LIMS4: variants seen among roughly 807,000 people sequenced by gnomAD.
The protein encoded by LIMS4 is LIM and senescent cell antigen-like-containing domain protein 4.
At chr2:110,368,426 A>G in the LIMS4 span, among the ~76,000 whole-genome samples, 1 of 151,690 alleles carries the variant, frequency 6.6e-6, no homozygotes, top group Non-Finnish European at 1.5e-5. Flanking sequence ...ACATACAACT[A>G]CTTATATTTA....
chr2:110,396,003 T>C, the LIMS4 span, among the ~76,000 whole-genome samples: 1 of 140,708 alleles, frequency 7.1e-6, no homozygotes, highest in Non-Finnish European at 1.5e-5. Context: ...ATAGCCTTAC[T>C]TGCCTCCCCC....
At chr2:110,367,727 A>G in the LIMS4 span, among the ~76,000 whole-genome samples, 1 of 147,098 alleles carries the variant, frequency 6.8e-6, no homozygotes, top group African/African-American at 2.7e-5. Flanking sequence ...AAAAAATACG[A>G]AGAATTAGCT....
chr2:110,369,479 CA>C, the LIMS4 span, among the ~76,000 whole-genome samples: 2 of 138,534 alleles, frequency 1.4e-5, no homozygotes, highest in Non-Finnish European at 3.0e-5. Flanking sequence ...GAGTCATTGG[CA>C]AAAACTTGAC....
the LIMS4 span, among the ~76,000 whole-genome samples, chr2:110,366,943 AGACACAC>A: frequency 4.3e-5 from 6 of 139,534 alleles, no homozygotes; most frequent in Admixed American, 2.9e-4. Context: ...AATTCACAAT[AGACACAC>A]ACACACACAC....
chr2:110,447,501 C>A (rs1429942087), intron 8 of LIMS4, among the ~76,000 whole-genome samples: 5 of 21,536 alleles, frequency 2.3e-4, no homozygotes, highest in Admixed American at 9.7e-4. Flanking sequence ...TGTTGCCAGG[C>A]TGGAGTGCAG....
chr2:110,401,425 CG>C, the LIMS4 span, among the ~76,000 whole-genome samples: 1 of 128,356 alleles, frequency 7.8e-6, no homozygotes, highest in Non-Finnish European at 1.6e-5. Flanking sequence ...CTGGCGTTAC[CG>C]CTAGACTAGG....
At chr2:110,424,489 T>G in the LIMS4 span, among the ~76,000 whole-genome samples, 1 of 140,976 alleles carries the variant, frequency 7.1e-6, no homozygotes, top group Admixed American at 7.1e-5. Context: ...CGGCCAACTG[T>G]CAGGTAAGCC....
At chr2:110,453,139 T>TTTTC (rs766866617) in intron 5 of LIMS4, among the ~76,000 whole-genome samples, 3 of 1,386 alleles carry the variant, frequency 2.2e-3, no homozygotes, top group Non-Finnish European at 2.8e-3. Context: ...AACCAAACTG[T>TTTTC]TTTCTTTCTT....
At chr2:110,386,449 G>A in the LIMS4 span, 1 of 378,838 alleles carries the variant, frequency 2.6e-6, no homozygotes, top group South Asian at 6.1e-5. Context: ...TTCCCCAGAA[G>A]GAGGCAGAAT....
At chr2:110,392,436 CA>C in the LIMS4 span, among the ~76,000 whole-genome samples, 285 of 131,474 alleles carry the variant, frequency 2.2e-3, no homozygotes, top group East Asian at 4.8e-3. Context: ...GAGTCCGTCT[CA>C]AAAAAAAAAA....
At chr2:110,361,877 C>T in the LIMS4 span, 1 of 1,269,358 alleles carries the variant, frequency 7.9e-7, no homozygotes, top group Non-Finnish European at 1.1e-6. Flanking sequence ...CGTCATTGGA[C>T]AAATAGGACA....
the LIMS4 span, chr2:110,386,782 C>T: frequency 2.8e-5 from 20 of 708,508 alleles, no homozygotes; most frequent in South Asian, 8.9e-5. Context: ...GCGAGCACAG[C>T]GGCAGCACCA....
At chr2:110,425,052 T>A in the LIMS4 span, among the ~76,000 whole-genome samples, 1 of 142,828 alleles carries the variant, frequency 7.0e-6, no homozygotes, top group Admixed American at 6.9e-5. Context: ...ACAATAAACC[T>A]TGCTACTGCA....
At chr2:110,368,921 G>A in the LIMS4 span, among the ~76,000 whole-genome samples, 1 of 128,546 alleles carries the variant, frequency 7.8e-6, no homozygotes, top group Non-Finnish European at 1.6e-5. Flanking sequence ...ACAGATTCGT[G>A]TAGGAAATGC....
At chr2:110,390,793 G>A in the LIMS4 span, among the ~76,000 whole-genome samples, 1 of 152,118 alleles carries the variant, frequency 6.6e-6, no homozygotes, top group Non-Finnish European at 1.5e-5. Flanking sequence ...CTTGGGTGCT[G>A]CAGTGAAAAA....
chr2:110,385,155 T>C, the LIMS4 span, among the ~76,000 whole-genome samples: 1 of 148,496 alleles, frequency 6.7e-6, no homozygotes, highest in Non-Finnish European at 1.5e-5. Flanking sequence ...CCATGGTGCC[T>C]AAACAATAAA....
the LIMS4 span, chr2:110,361,958 T>C: frequency 2.3e-5 from 32 of 1,370,342 alleles, no homozygotes; most frequent in Non-Finnish European, 3.1e-6. Context: ...GTACACAACA[T>C]TGCAACGTAC....
chr2:110,371,196 G>A, the LIMS4 span, among the ~76,000 whole-genome samples: 7 of 104,816 alleles, frequency 6.7e-5, no homozygotes, highest in African/African-American at 2.9e-4. Flanking sequence ...GCCTAAGTAC[G>A]TCAATACAAC....
chr2:110,387,600 C>A, the LIMS4 span: 1 of 269,822 alleles, frequency 3.7e-6, no homozygotes, highest in African/African-American at 2.3e-5. Context: ...CTCTCTGCAA[C>A]CTCCACCTCC....
Sources: gnomAD v4.1 joint callset for allele counts (sites outside exome capture counted in the v4.1 genomes callset) on GRCh38, gnomAD v4.1.1 for gene constraint, MANE v1.5 for transcripts, NCBI Gene and HGNC (gene_info 2026-07-23, HGNC 2026-07-21) for gene names.